MEI4: variants seen among roughly 807,000 people sequenced by gnomAD.
MEI4 encodes meiotic double-stranded break formation protein 4.
A neutral mutation model predicts 31.4 loss-of-function variants in MEI4; 27 were observed. The ratio of observed to expected loss-of-function variants is 0.86; its 90% CI spans 0.63 to 1.19. MEI4 has a LOEUF of 1.19. Ranked by LOEUF, MEI4 falls within the 50% of genes most tolerant of loss-of-function variation. The pLI is 0.00. For missense variants in MEI4, 329 were observed against 398.9 expected (o/e 0.82, Z 1.49); for synonymous variants, 122 against 145.4 (o/e 0.84, Z 1.16).
At chr6:77,655,786 G>A (rs1245362207) in intron 1 of MEI4, among the ~76,000 whole-genome samples, 1 of 152,104 alleles carries the variant, frequency 6.6e-6, no homozygotes, top group Non-Finnish European at 1.5e-5. Flanking sequence ...TAGACTCAGA[G>A]ATTTTTAGTA....
At chr6:77,727,447 A>G (rs927678086) in intron 2 of MEI4, among the ~76,000 whole-genome samples, 1 of 152,224 alleles carries the variant, frequency 6.6e-6, no homozygotes, top group African/African-American at 2.4e-5. Context: ...AGCATTTACC[A>G]GGGACAGTCT....
At chr6:77,891,673 G>A (rs1179004755) in intron 4 of MEI4, among the ~76,000 whole-genome samples, 2 of 151,886 alleles carry the variant, frequency 1.3e-5, no homozygotes, top group Non-Finnish European at 2.9e-5. Flanking sequence ...CTTTGAAATT[G>A]TCATGTTTCC....
Position 77,721,929 on chromosome 6 carries a change from A to G in MEI4, c.232+31026A>G, listed in dbSNP as rs1004781875. ...AAATATCATCAATATAATGAATAAT[A>G]TAACAGTCTGAAAACTTTAACTGGT... On this transcript the variant is annotated intron_variant, in intron 2 of 4. Transcript: ENST00000684080. Among the ~76,000 whole-genome samples the G allele has an allele frequency of 9.2e-5, 12 of 130,392 alleles. 2 individuals are homozygous for G. The highest frequency in any genetic ancestry group is 2.4e-4 in the Admixed American group (3 of 12,690). The allele number at this position is 130,392 out of a possible 152,430, so 85.5% of individuals were successfully genotyped here.
intron 4 of MEI4, among the ~76,000 whole-genome samples, chr6:77,863,259 G>A (rs1364525356): frequency 6.6e-6 from 1 of 152,186 alleles, no homozygotes; most frequent in Non-Finnish European, 1.5e-5. Context: ...GTTTAGAGAA[G>A]AAGGCTTCAG....
At chr6:77,807,264 C>T (rs1769464053) in intron 3 of MEI4, among the ~76,000 whole-genome samples, 1 of 151,542 alleles carries the variant, frequency 6.6e-6, no homozygotes, top group Admixed American at 6.6e-5. Context: ...TAATAAAGGC[C>T]TGAAATAGGG....
At chr6:77,833,151 T>C (rs573308554) in intron 4 of MEI4, among the ~76,000 whole-genome samples, 9 of 152,194 alleles carry the variant, frequency 5.9e-5, no homozygotes, top group African/African-American at 2.2e-4. Flanking sequence ...CTTTTTTTTT[T>C]AGTAGCAGCA....
At chr6:77,701,693 T>G (rs1397613640) in intron 2 of MEI4, among the ~76,000 whole-genome samples, 1 of 151,896 alleles carries the variant, frequency 6.6e-6, no homozygotes, top group Non-Finnish European at 1.5e-5. Context: ...TTGGTTATAG[T>G]AAAAAGGATG....
At chr6:77,709,563 C>T (rs548882146) in intron 2 of MEI4, among the ~76,000 whole-genome samples, 5 of 152,108 alleles carry the variant, frequency 3.3e-5, no homozygotes, top group Non-Finnish European at 7.3e-5. Flanking sequence ...AAAAATAATG[C>T]TTCTGATCCT....
In MEI4 at chr6:77,829,082, G is replaced by A. The variant is rs1050157994; in HGVS notation, c.900+20G>A. Reference sequence around the variant, plus strand: ...AATCAGGTACACATAACTTGAAACTGTAGTTCTCATATATAGTTATTGTAA... The same window carrying A: ...AATCAGGTACACATAACTTGAAACTATAGTTCTCATATATAGTTATTGTAA... On this transcript the variant is annotated intron_variant, in intron 4 of 4. Transcript: ENST00000684080. The A allele has an allele frequency of 7.3e-6, 9 of 1,229,178 alleles. No homozygotes were observed. Among genetic ancestry groups the A allele is most frequent in the African/African-American group, 1.6e-5 (1 of 64,324 alleles). 76.1% of individuals were successfully genotyped at this position (1,229,178 alleles called of 1,614,324 possible). A position where few individuals can be genotyped will look rare whatever the true frequency, so the allele number is the denominator to read the frequency against.
At chr6:77,801,476 T>C (rs1769256772) in intron 3 of MEI4, among the ~76,000 whole-genome samples, 2 of 152,184 alleles carry the variant, frequency 1.3e-5, no homozygotes, top group Non-Finnish European at 2.9e-5. Flanking sequence ...GTTTTTTGTG[T>C]CTCTATTTCC....
chr6:77,898,254 TTGAC>T (rs1766124385), intron 4 of MEI4, among the ~76,000 whole-genome samples: 1 of 152,024 alleles, frequency 6.6e-6, no homozygotes, highest in Non-Finnish European at 1.5e-5. Context: ...AGGACTAAAA[TTGAC>T]TGCCTTCTTT....
intron 4 of MEI4, among the ~76,000 whole-genome samples, chr6:77,831,915 A>G (rs1435808436): frequency 6.6e-6 from 1 of 152,090 alleles, no homozygotes; most frequent in African/African-American, 2.4e-5. Flanking sequence ...CTAGAAGTGA[A>G]GAATTGTAAT....
chr6:77,924,641 C>T lies in MEI4; in HGVS notation c.*1295C>T. 1 of 151,812 alleles carries T rather than the reference C, an allele frequency of 6.6e-6. No homozygotes were observed. Among genetic ancestry groups the T allele is most frequent in the East Asian group, 1.9e-4 (1 of 5,144 alleles). The allele number at this position is 151,812 out of a possible 1,614,324, so 9.4% of individuals were successfully genotyped here. The stretch of plus-strand genomic sequence containing the variant: ...TTCTTGCTAAAAGTCAGGCTTTCTT[C>T]TCTTCCACATGTGCATATTCTGAGA... On this transcript the variant is annotated 3_prime_UTR_variant, in exon 5 of 5. Coordinates refer to ENST00000684080, the MANE Select transcript of MEI4 (RefSeq NM_001322247.2).
chr6:77,712,413 AAGT>A (rs1766486083), intron 2 of MEI4, among the ~76,000 whole-genome samples: 2 of 152,288 alleles, frequency 1.3e-5, no homozygotes, highest in East Asian at 3.9e-4. Context: ...TATTTAAAGA[AAGT>A]AGTAGACACA....
At chr6:77,828,264 C>T (rs62425060) in intron 3 of MEI4, among the ~76,000 whole-genome samples, 25,556 of 150,616 alleles carry the variant, frequency 0.17, 2,742 homozygotes, top group Non-Finnish European at 0.23. Flanking sequence ...GGCCATGGAC[C>T]AGTACTGGTC....
chr6:77,926,289 C>T lies in MEI4; in HGVS notation c.*2943C>T, dbSNP rs1766842802. The T allele has an allele frequency of 6.6e-6, 1 of 151,792 alleles. No individual in the cohort carries two copies. Among genetic ancestry groups the T allele is most frequent in the East Asian group, 1.9e-4 (1 of 5,146 alleles). The allele number at this position is 151,792 out of a possible 1,614,324, so 9.4% of individuals were successfully genotyped here. A position where few individuals can be genotyped will look rare whatever the true frequency, so the allele number is the denominator to read the frequency against. Reference sequence around the variant, plus strand: ...CAAGTTGTCCTATCTATAAGTAAACCAGAGGAACAGCATCTTTGACCTTTT... The same window carrying T: ...CAAGTTGTCCTATCTATAAGTAAACTAGAGGAACAGCATCTTTGACCTTTT... On this transcript the variant is annotated 3_prime_UTR_variant, in exon 5 of 5. Coordinates refer to ENST00000684080, the MANE Select transcript of MEI4 (RefSeq NM_001322247.2).
chr6:77,797,105 A>T (rs1223910424), intron 3 of MEI4, among the ~76,000 whole-genome samples: 1 of 152,246 alleles, frequency 6.6e-6, no homozygotes, highest in African/African-American at 2.4e-5. Context: ...TAGTCTCTTT[A>T]ATAAACGGTG....
intron 4 of MEI4, among the ~76,000 whole-genome samples, chr6:77,887,545 C>G (rs538773813): frequency 7.9e-5 from 12 of 152,254 alleles, no homozygotes; most frequent in South Asian, 4.1e-4. Context: ...GATCCACCCC[C>G]CTCAGCCTCC....
At chr6:77,752,968 C>T (rs766503222) in intron 2 of MEI4, among the ~76,000 whole-genome samples, 13 of 152,160 alleles carry the variant, frequency 8.5e-5, no homozygotes, top group Non-Finnish European at 1.5e-4. Flanking sequence ...ACCATTGGAT[C>T]TTTGACAAAC....
Sources: allele counts gnomAD v4.1 joint callset (sites outside exome capture counted in the v4.1 genomes callset), GRCh38; gene constraint gnomAD v4.1.1; transcripts MANE v1.5; gene names NCBI Gene and HGNC (gene_info 2026-07-23, HGNC 2026-07-21).